AMOTL1: variants seen among roughly 807,000 people sequenced by gnomAD.
The protein encoded by AMOTL1 is angiomotin like 1.
A neutral mutation model predicts 102.9 loss-of-function variants in AMOTL1; 45 were observed. That is an observed-to-expected ratio of 0.44 (90% confidence interval 0.34 to 0.56). AMOTL1 has a LOEUF of 0.56. Ranked by LOEUF, AMOTL1 falls within the 20% of genes least tolerant of loss-of-function variation. AMOTL1 has a pLI of 0.01. For synonymous variants in AMOTL1, 481 were observed against 484.7 expected (o/e 0.99, Z 0.10); for missense variants, 1,114 against 1,225.6 (o/e 0.91, Z 1.36).
intron 6 of AMOTL1, among the ~76,000 whole-genome samples, chr11:94,844,832 A>G (rs1453991487): frequency 2.6e-5 from 4 of 152,140 alleles, no homozygotes; most frequent in African/African-American, 4.8e-5. Context: ...GCAAACACCT[A>G]TGTTTTACCT....
chr11:94,783,215 A>G (rs764222613), intron 1 of AMOTL1, among the ~76,000 whole-genome samples: 1 of 152,214 alleles, frequency 6.6e-6, no homozygotes, highest in Non-Finnish European at 1.5e-5. Flanking sequence ...GTGCTTTAGT[A>G]TCCTCATCTG....
chr11:94,779,021 G>A (rs921323535), intron 1 of AMOTL1, among the ~76,000 whole-genome samples: 4 of 151,298 alleles, frequency 2.6e-5, no homozygotes, highest in African/African-American at 9.7e-5. Context: ...TCTTCTCTTG[G>A]CCAAGTGGAA....
intron 1 of AMOTL1, among the ~76,000 whole-genome samples, chr11:94,774,645 G>C (rs1021607225): frequency 6.6e-6 from 1 of 152,182 alleles, no homozygotes; most frequent in African/African-American, 2.4e-5. Context: ...TTGCTGGGCC[G>C]CACCCCTAGA....
chr11:94,738,259 CT>C (rs10598219), intron 2 of AMOTL1, among the ~76,000 whole-genome samples: 19,795 of 138,738 alleles, frequency 0.14, 1,343 homozygotes, highest in East Asian at 0.27. Context: ...TAATTTTGTG[CT>C]TTTTTTTTTT....
upstream of AMOTL1, among the ~76,000 whole-genome samples, chr11:94,766,165 A>G (rs1187213482): frequency 6.6e-6 from 1 of 152,202 alleles, no homozygotes. Context: ...GACATCTGGT[A>G]TCTCCAAAGA....
chr11:94,798,348 G>A lies in AMOTL1; in HGVS notation c.200-1042G>A, dbSNP rs187042274. Among the ~76,000 whole-genome samples, 311 of 152,274 alleles carry A rather than the reference G, an allele frequency of 2.0e-3. 3 individuals carry two copies. The highest frequency in any genetic ancestry group is 4.6e-3 in the Admixed American group (71 of 15,296). On this transcript the variant is annotated intron_variant, in intron 2 of 12. Coordinates refer to ENST00000433060, the MANE Select transcript of AMOTL1 (RefSeq NM_130847.3). The stretch of plus-strand genomic sequence containing the variant: ...ATGATGAACTTGGAGATTGGCACGG[G>A]AATAAGAAAGAGGGTTGGCAGAGAT...
chr11:94,853,109 C>G (rs1952580003), intron 7 of AMOTL1, among the ~76,000 whole-genome samples: 1 of 151,868 alleles, frequency 6.6e-6, no homozygotes, highest in Admixed American at 6.6e-5. Flanking sequence ...ATGTCAAAAA[C>G]TCTTTTTTTA....
intron 6 of AMOTL1, among the ~76,000 whole-genome samples, chr11:94,832,879 T>C (rs957624711): frequency 1.3e-5 from 2 of 152,270 alleles, no homozygotes; most frequent in African/African-American, 4.8e-5. Context: ...GGACATAATT[T>C]GATTACTTAG....
chr11:94,809,932 G>A (rs1437030032), intron 3 of AMOTL1, among the ~76,000 whole-genome samples: 1 of 152,078 alleles, frequency 6.6e-6, no homozygotes, highest in African/African-American at 2.4e-5. Context: ...ATTTTTAGTA[G>A]TGAAACATAT....
At chr11:94,765,617 G>T (rs1420545231), upstream of AMOTL1, among the ~76,000 whole-genome samples, 1 of 152,176 alleles carries the variant, frequency 6.6e-6, no homozygotes, top group Non-Finnish European at 1.5e-5. Context: ...TCTAGGCTAG[G>T]TCCACCTGAT....
intron 1 of AMOTL1, among the ~76,000 whole-genome samples, chr11:94,778,323 G>A (rs981075066): frequency 6.6e-6 from 1 of 152,130 alleles, no homozygotes; most frequent in Non-Finnish European, 1.5e-5. Flanking sequence ...GCCTGATGGT[G>A]GGAAGAGGAC....
At chr11:94,724,277 C>T (rs909685810) in intron 1 of AMOTL1, among the ~76,000 whole-genome samples, 2 of 152,160 alleles carry the variant, frequency 1.3e-5, no homozygotes, top group African/African-American at 2.4e-5. Flanking sequence ...ATCTCTCCTT[C>T]AAGCAGCCTT....
intron 3 of AMOTL1, among the ~76,000 whole-genome samples, chr11:94,760,877 C>A (rs1950783952): frequency 6.6e-6 from 1 of 152,148 alleles, no homozygotes; most frequent in Admixed American, 6.5e-5. Context: ...GGCTGGAGTG[C>A]AATGGTGCCA....
intron 6 of AMOTL1, among the ~76,000 whole-genome samples, chr11:94,846,176 C>T (rs932993178): frequency 1.3e-5 from 2 of 152,192 alleles, no homozygotes; most frequent in Non-Finnish European, 2.9e-5. Flanking sequence ...TCCTCACTCC[C>T]TGCCCTGAAT....
chr11:94,727,781 C>G (rs894138688), intron 1 of AMOTL1, among the ~76,000 whole-genome samples: 11 of 152,190 alleles, frequency 7.2e-5, no homozygotes, highest in Admixed American at 2.6e-4. Context: ...TTGGATTCAA[C>G]ACAAATTGCT....
chr11:94,760,431 A>G (rs774624729), intron 3 of AMOTL1, among the ~76,000 whole-genome samples: 1 of 152,208 alleles, frequency 6.6e-6, no homozygotes, highest in Non-Finnish European at 1.5e-5. Context: ...CATCCTCAGC[A>G]CAGGGTACCT....
At chr11:94,740,964 G>A (rs754068789) in exon 3 of AMOTL1, 2 of 1,289,022 alleles carry the variant, frequency 1.6e-6, no homozygotes, top group East Asian at 1.1e-4. Context: ...AGCCTCGCCC[G>A]CATCCTACAG....
chr11:94,812,035 T>C lies in AMOTL1; in HGVS notation c.1122-9495T>C, dbSNP rs1244146299. Among the ~76,000 whole-genome samples, 6 of 152,216 alleles carry C rather than the reference T, an allele frequency of 3.9e-5. No individual in the cohort carries two copies. The East Asian group carries it at 7.7e-4, about 19-fold the overall frequency. On this transcript the variant is annotated intron_variant, in intron 3 of 12. Transcript: ENST00000433060. ...AGGAGCTGTACAGCAAAATAAACTTTAGATCTCGATCACATTTGGGGAAAT... is the reference window on the plus strand; with the variant it reads ...AGGAGCTGTACAGCAAAATAAACTTCAGATCTCGATCACATTTGGGGAAAT...
chr11:94,747,789 G>GTAA (rs1950607263), intron 3 of AMOTL1, among the ~76,000 whole-genome samples: 1 of 152,132 alleles, frequency 6.6e-6, no homozygotes. Flanking sequence ...CATCTTCTAG[G>GTAA]GGCTCAGATT....
Sources: allele counts gnomAD v4.1 joint callset (sites outside exome capture counted in the v4.1 genomes callset), GRCh38; gene constraint gnomAD v4.1.1; transcripts MANE v1.5; gene names NCBI Gene and HGNC (gene_info 2026-07-23, HGNC 2026-07-21).